PKP1: variants seen among roughly 807,000 people sequenced by gnomAD.
PKP1 encodes plakophilin-1.
In PKP1, 27 loss-of-function variants were observed where a neutral mutation model predicts 76.4. That is an observed-to-expected ratio of 0.35 (90% CI 0.26 to 0.49). The LOEUF (loss-of-function observed/expected upper bound fraction) is 0.49, where lower values mean the gene tolerates loss of function less well. Among genes scored for constraint, PKP1 ranks in the 20% least tolerant of loss-of-function variants. The pLI is 0.99. For synonymous variants in PKP1, 404 were observed against 384.2 expected, an observed-to-expected ratio of 1.05 and a Z score of -0.60; for missense variants, 964 against 955.2, an observed-to-expected ratio of 1.01 and a Z score of -0.12.
intron 1 of PKP1, among the ~76,000 whole-genome samples, chr1:201,288,237 T>C (rs1655795183): frequency 6.6e-6 from 1 of 152,198 alleles, no homozygotes; most frequent in South Asian, 2.1e-4. Context: ...TCTTTGGAAA[T>C]AGATTTTATA....
At chr1:201,286,236 G>A (rs910094492) in intron 1 of PKP1, among the ~76,000 whole-genome samples, 3 of 152,104 alleles carry the variant, frequency 2.0e-5, no homozygotes, top group East Asian at 1.9e-4. Flanking sequence ...GTTTTCCCTC[G>A]CCCCCTGGAC....
At chr1:201,298,683 T>C (rs1322566207) in intron 2 of PKP1, among the ~76,000 whole-genome samples, 2 of 152,188 alleles carry the variant, frequency 1.3e-5, no homozygotes, top group African/African-American at 4.8e-5. Flanking sequence ...CAAGGGAGAA[T>C]TCTGTCTTTG....
At position 201,313,490 on chromosome 1, in the gene PKP1, G is replaced by A. The variant is rs745870553; in HGVS notation, c.631G>A (p.Asp211Asn). Residue 211 changes from aspartate (D) to asparagine (N), a missense_variant, in exon 3 of 14, where the codon GAC (aspartate) becomes AAC (asparagine). Transcript: ENST00000367324. The stretch of plus-strand genomic sequence containing the variant: ...CCCGCCCTCTTGTGCCTCCAAGCAG[G>A]ACCCTGTGTATATCCCGCCCATCTC... ...VRPPSCASKQ[D>N]PVYIPPISCN... The A allele has an allele frequency of 2.5e-6, 4 of 1,613,944 alleles. No homozygotes were observed. The highest frequency in any genetic ancestry group is 3.4e-6 in the Non-Finnish European group (4 of 1,179,982).
At chr1:201,302,627 C>A (rs941671939) in intron 2 of PKP1, among the ~76,000 whole-genome samples, 1 of 152,134 alleles carries the variant, frequency 6.6e-6, no homozygotes, top group African/African-American at 2.4e-5. Flanking sequence ...CATGTCTCTA[C>A]GGAAGCCTGC....
intron 2 of PKP1, among the ~76,000 whole-genome samples, chr1:201,298,094 C>T (rs941395108): frequency 6.6e-6 from 1 of 152,184 alleles, no homozygotes; most frequent in South Asian, 2.1e-4. Flanking sequence ...AACAACACTC[C>T]TTTACGTGCT....
chr1:201,313,569 T>C lies in PKP1; in HGVS notation c.701+9T>C. ...TCTAGGGCCAGCTCCAAGTGAGTGCTGCTGGGCTGGGTTGGGGAGCCAGGA... is the reference window on the plus strand; with the variant it reads ...TCTAGGGCCAGCTCCAAGTGAGTGCCGCTGGGCTGGGTTGGGGAGCCAGGA... On this transcript the variant is annotated intron_variant, in intron 3 of 13. Transcript: ENST00000367324. The C allele has an allele frequency of 1.2e-6, 2 of 1,609,072 alleles. No homozygotes were observed. The highest frequency in any genetic ancestry group is 1.3e-5 in the African/African-American group (1 of 74,916).
Position 201,320,307 on chromosome 1 carries a change from A to G in PKP1, c.1273A>G (p.Asn425Asp). 1 of 1,614,040 alleles carries G rather than the reference A, an allele frequency of 6.2e-7. No homozygotes were observed. Among genetic ancestry groups the G allele is most frequent in the Non-Finnish European group, 8.5e-7 (1 of 1,179,952 alleles). Residue 425 changes from asparagine (N) to aspartate (D), a missense_variant, in exon 7 of 14, where the codon AAC becomes GAC. Coordinates refer to ENST00000367324, the MANE Select transcript of PKP1 (RefSeq NM_001005337.3). Reference protein sequence around the residue: ...SADAGRQTMRNYSGLIDSLMA... With the variant: ...SADAGRQTMRDYSGLIDSLMA... Reference sequence around the variant, plus strand: ...CGATGCAGGCCGCCAGACCATGCGTAACTACTCAGGGCTCATTGATTCCCT... The same window carrying G: ...CGATGCAGGCCGCCAGACCATGCGTGACTACTCAGGGCTCATTGATTCCCT...
At position 201,323,067 on chromosome 1, in the gene PKP1, G is replaced by T; in HGVS notation, c.1558G>T (p.Gly520Cys). ...GGAAGAGACCAACCCCAAGGGCAGC[G>T]GCTGGTTGTACCATTCAGATGCCAT... is the stretch of plus-strand genomic sequence containing the variant. ...PEEETNPKGS[G>C]WLYHSDAIRT... The change falls in exon 9 of 14, where the codon GGC (glycine) becomes TGC (cysteine). Residue 520 changes from glycine (G) to cysteine (C), a missense_variant. By Grantham distance (159) the Gly-to-Cys change is radical (BLOSUM62 -3). Transcript: ENST00000367324. 1 of 1,614,114 alleles carries T rather than the reference G, an allele frequency of 6.2e-7. No individual in the cohort carries two copies. Among genetic ancestry groups the T allele is most frequent in the Non-Finnish European group, 8.5e-7 (1 of 1,180,012 alleles).
At chr1:201,324,799 T>G in intron 10 of PKP1, 142 bp from the exon 11 acceptor site, 3 of 1,013,092 alleles carry the variant, frequency 3.0e-6, no homozygotes, top group Non-Finnish European at 4.5e-6. Flanking sequence ...GAGCCCTGAG[T>G]TGGAGCTGCC....
At position 201,283,623 on chromosome 1, in the gene PKP1, T is replaced by G; in HGVS notation, c.-80T>G. 7.8e-7 allele frequency: 1 copy of G among 1,287,898 alleles called. No individual in the cohort carries two copies. Among genetic ancestry groups the G allele is most frequent in the South Asian group, 1.3e-5 (1 of 79,492 alleles). 79.8% of individuals were successfully genotyped at this position (1,287,898 alleles called of 1,614,324 possible). A position where few individuals can be genotyped will look rare whatever the true frequency, so the allele number is the denominator to read the frequency against. On this transcript the variant is annotated 5_prime_UTR_variant, in exon 1 of 14. Coordinates refer to ENST00000367324, the MANE Select transcript of PKP1 (RefSeq NM_001005337.3). The stretch of plus-strand genomic sequence containing the variant: ...GCTGAGAGCGAGAAGAGCACGCTCC[T>G]GCCCGCCCGCTGCACCGCACCTCGC...
intron 2 of PKP1, 110 bp downstream of exon 2, chr1:201,294,155 G>A: frequency 1.3e-6 from 1 of 769,150 alleles, no homozygotes; most frequent in Non-Finnish European, 2.3e-6. Context: ...GTAGGCTTTG[G>A]TCCGTGAGTT....
intron 8 of PKP1, 33 bp from the exon 9 acceptor site, chr1:201,322,980 C>T: frequency 6.2e-7 from 1 of 1,609,114 alleles, no homozygotes; most frequent in Non-Finnish European, 8.5e-7. Flanking sequence ...CAAGGCTCCC[C>T]ATTGACCCCC....
At chr1:201,320,133 T>C in intron 6 of PKP1, 134 bp from the exon 7 acceptor site, 1 of 712,896 alleles carries the variant, frequency 1.4e-6, no homozygotes, top group Non-Finnish European at 2.5e-6. Flanking sequence ...CTCCACCCCG[T>C]CGTCTCCTCT....
At chr1:201,295,113 A>C (rs832142) in intron 2 of PKP1, among the ~76,000 whole-genome samples, 126,455 of 152,072 alleles carry the variant, frequency 0.83, 52,781 homozygotes, top group East Asian at 0.92. Context: ...CCTTAGGATG[A>C]AGCAGCATTT....
intron 6 of PKP1, among the ~76,000 whole-genome samples, chr1:201,319,352 G>A (rs535964094): frequency 6.6e-6 from 1 of 152,302 alleles, no homozygotes; most frequent in South Asian, 2.1e-4. Flanking sequence ...GGGTGGGTGT[G>A]GAGGGGCGGC....
At chr1:201,302,606 C>A (rs964615732) in intron 2 of PKP1, among the ~76,000 whole-genome samples, 1 of 152,192 alleles carries the variant, frequency 6.6e-6, no homozygotes, top group African/African-American at 2.4e-5. Flanking sequence ...CTTTCTCCCC[C>A]AGGGCCCTGG....
At chr1:201,291,395 C>A (rs1186110480) in intron 1 of PKP1, among the ~76,000 whole-genome samples, 6 of 152,202 alleles carry the variant, frequency 3.9e-5, no homozygotes, top group Non-Finnish European at 8.8e-5. Context: ...CTGGCCTCTC[C>A]CTCCATGTGT....
chr1:201,322,943 A>T, intron 8 of PKP1, 70 bp from the exon 9 acceptor site: 1 of 1,505,508 alleles, frequency 6.6e-7, no homozygotes, highest in Non-Finnish European at 9.1e-7. Context: ...GGGGATGGGG[A>T]CAGAATGCCT....
At chr1:201,292,308 C>T (rs1204331503) in intron 1 of PKP1, among the ~76,000 whole-genome samples, 1 of 152,164 alleles carries the variant, frequency 6.6e-6, no homozygotes, top group Non-Finnish European at 1.5e-5. Flanking sequence ...AAGAGGCCAA[C>T]CCTCTCTTTT....
Sources: allele counts gnomAD v4.1 joint callset (sites outside exome capture counted in the v4.1 genomes callset), GRCh38; gene constraint gnomAD v4.1.1; transcripts MANE v1.5; gene names NCBI Gene and HGNC (gene_info 2026-07-23, HGNC 2026-07-21).